TBC1D4: variants seen among roughly 807,000 people sequenced by gnomAD.
The protein encoded by TBC1D4 is TBC1 domain family member 4, also known as TBC (Tre-2, BUB2, CDC16) domain-containing protein.
A neutral mutation model predicts 142.5 loss-of-function variants in TBC1D4; 121 were observed. The observed-to-expected ratio is 0.85, with a 90% CI of 0.73 to 0.99. The LOEUF (loss-of-function observed/expected upper bound fraction) is 0.99. TBC1D4 is among the 50% of genes least tolerant of loss of function. The probability of loss-of-function intolerance (pLI) is 0.00; values close to 1 mark genes in which losing one functional copy is unlikely to be tolerated. For missense variants in TBC1D4, 1,475 were observed against 1,606.6 expected, an observed-to-expected ratio of 0.92 and a Z score of 1.40; for synonymous variants, 630 against 628.2, an observed-to-expected ratio of 1.00 and a Z score of -0.04.
intron 1 of TBC1D4, among the ~76,000 whole-genome samples, chr13:75,379,271 C>T (rs1241067576): frequency 6.6e-6 from 1 of 152,108 alleles, no homozygotes; most frequent in African/African-American, 2.4e-5. Context: ...TGCACACACA[C>T]ACACACACAG....
chr13:75,320,359 T>A (rs1348201433), intron 11 of TBC1D4, among the ~76,000 whole-genome samples: 1 of 152,182 alleles, frequency 6.6e-6, no homozygotes, highest in African/African-American at 2.4e-5. Context: ...CATAAATAAA[T>A]TTTTAAGCAC....
chr13:75,307,069 C>T (rs1461352009), intron 14 of TBC1D4, among the ~76,000 whole-genome samples: 1 of 152,176 alleles, frequency 6.6e-6, no homozygotes. Context: ...CTCCTGAGCT[C>T]CCATCTCAGC....
At chr13:75,434,456 A>G (rs981660938) in intron 1 of TBC1D4, among the ~76,000 whole-genome samples, 1 of 152,166 alleles carries the variant, frequency 6.6e-6, no homozygotes, top group African/African-American at 2.4e-5. Context: ...GAGCTAAATG[A>G]TAAGAACTTA....
At position 75,324,386 on chromosome 13, in the gene TBC1D4, A is replaced by G. The variant is rs1414835467; in HGVS notation, c.2049T>C (p.Val683=). 2 of 1,613,886 alleles carry G rather than the reference A, an allele frequency of 1.2e-6. No homozygotes were observed. Among genetic ancestry groups the G allele is most frequent in the African/African-American group, 2.7e-5 (2 of 74,928 alleles). The change falls in exon 11 of 21, where the codon GTT becomes GTC. Residue 683 remains valine, a synonymous_variant. Transcript: ENST00000377636. ...AATTACTCTCCTTGTACATGCGTCG[A>G]ACTGACGAAAGATTGCTGAGTACAG... The part of the protein sequence containing the change: ...SSEQCSNLSS[V]RRMYKESNSS...
At chr13:75,367,072 G>T in intron 1 of TBC1D4, 1 of 775,504 alleles carries the variant, frequency 1.3e-6, no homozygotes, top group Non-Finnish European at 1.6e-6. Context: ...TCACTATGCA[G>T]CCAATTATAA....
At chr13:75,475,412 G>A (rs1888594585) in intron 1 of TBC1D4, among the ~76,000 whole-genome samples, 1 of 152,356 alleles carries the variant, frequency 6.6e-6, no homozygotes, top group Non-Finnish European at 1.5e-5. Context: ...CTAAAGGAAA[G>A]GGGACTCTGA....
In TBC1D4 at chr13:75,480,746, C is replaced by T. The variant is rs995510691; in HGVS notation, c.498+524G>A. ...CGGAAATTGCCTCCCAGACCGGAGA[C>T]CTGCAGGTGCTGCTGCGAAGATGAC... On this transcript the variant is annotated intron_variant, in intron 1 of 20. Coordinates refer to ENST00000377636, the MANE Select transcript of TBC1D4 (RefSeq NM_014832.5). 2.0e-5 allele frequency among the ~76,000 whole-genome samples: 3 copies of T among 152,354 alleles called. No homozygotes were observed. The South Asian group carries it at 6.2e-4, about 32-fold the overall frequency.
chr13:75,468,342 A>AC, intron 1 of TBC1D4, among the ~76,000 whole-genome samples: 1 of 152,334 alleles, frequency 6.6e-6, no homozygotes, highest in East Asian at 1.9e-4. Context: ...AGATCATGTT[A>AC]CCACTGGGAA....
At chr13:75,332,761 T>C (rs1879859350) in intron 8 of TBC1D4, among the ~76,000 whole-genome samples, 1 of 152,240 alleles carries the variant, frequency 6.6e-6, no homozygotes, top group Admixed American at 6.5e-5. Context: ...GATAAAATAA[T>C]GGCATTCACA....
At position 75,285,365 on chromosome 13, in the gene TBC1D4, C is replaced by T. The variant is rs930724032; in HGVS notation, c.*1427G>A. Reference sequence around the variant, plus strand: ...AAGAAAATTACCCCAGATAATCCATCTGTGAAAATACAAGTACTGCAAAAA... The same window carrying T: ...AAGAAAATTACCCCAGATAATCCATTTGTGAAAATACAAGTACTGCAAAAA... On this transcript the variant is annotated 3_prime_UTR_variant, in exon 21 of 21. Coordinates refer to ENST00000377636, the MANE Select transcript of TBC1D4 (RefSeq NM_014832.5). 7.2e-5 allele frequency: 11 copies of T among 152,312 alleles called. No individual in the cohort carries two copies. The highest frequency in any genetic ancestry group is 2.4e-4 in the African/African-American group (10 of 41,576). 9.4% of individuals were successfully genotyped at this position (152,312 alleles called of 1,614,324 possible).
chr13:75,463,335 T>TA (rs1404494071), intron 1 of TBC1D4, among the ~76,000 whole-genome samples: 1 of 152,100 alleles, frequency 6.6e-6, no homozygotes, highest in Non-Finnish European at 1.5e-5. Context: ...GAGTCATAAT[T>TA]AAAAAAACCT....
chr13:75,335,470 T>C (rs1880117997), intron 8 of TBC1D4, among the ~76,000 whole-genome samples: 1 of 152,226 alleles, frequency 6.6e-6, no homozygotes, highest in African/African-American at 2.4e-5. Context: ...CATTAATTTA[T>C]ACTTTTTTCA....
chr13:75,313,321 T>C (rs945325589), intron 12 of TBC1D4, among the ~76,000 whole-genome samples: 2 of 152,160 alleles, frequency 1.3e-5, no homozygotes, highest in Admixed American at 6.5e-5. Flanking sequence ...AACAGGTCAA[T>C]AAAGACTGTT....
At chr13:75,322,947 G>T (rs73531923) in intron 11 of TBC1D4, among the ~76,000 whole-genome samples, 5,533 of 151,998 alleles carry the variant, frequency 0.036, 346 homozygotes, top group African/African-American at 0.12. Flanking sequence ...ATTCACTGTT[G>T]GAACATGACT....
At chr13:75,393,961 C>A (rs755627518) in intron 1 of TBC1D4, among the ~76,000 whole-genome samples, 1 of 151,252 alleles carries the variant, frequency 6.6e-6, no homozygotes, top group Non-Finnish European at 1.5e-5. Context: ...AAACTAAACT[C>A]TTTCTTGAGT....
At chr13:75,410,278 T>A (rs1416538490) in intron 1 of TBC1D4, among the ~76,000 whole-genome samples, 1 of 152,240 alleles carries the variant, frequency 6.6e-6, no homozygotes, top group Non-Finnish European at 1.5e-5. Context: ...TACCGTCTGC[T>A]ATGGTCTGCC....
At chr13:75,434,946 G>A (rs1308419524) in intron 1 of TBC1D4, among the ~76,000 whole-genome samples, 3 of 150,000 alleles carry the variant, frequency 2.0e-5, no homozygotes, top group Admixed American at 1.3e-4. Context: ...TTAGGCATTC[G>A]AGATTGGCCT....
Position 75,286,715 on chromosome 13 carries a change from T to A in TBC1D4, c.*77A>T. The A allele has an allele frequency of 6.9e-7, 1 of 1,457,024 alleles. No homozygotes were observed. Among genetic ancestry groups the A allele is most frequent in the Non-Finnish European group, 9.5e-7 (1 of 1,057,074 alleles). The allele number at this position is 1,457,024 out of a possible 1,614,324, so 90.3% of individuals were successfully genotyped here. A position where few individuals can be genotyped will look rare whatever the true frequency, so the allele number is the denominator to read the frequency against. On this transcript the variant is annotated 3_prime_UTR_variant, in exon 21 of 21. Coordinates refer to ENST00000377636, the MANE Select transcript of TBC1D4 (RefSeq NM_014832.5). Reference sequence around the variant, plus strand: ...GTTCCATCAGCTTCAGGGTCCAGCCTTGGGCCAGCGACATGCAGGCTCTTC... The same window carrying A: ...GTTCCATCAGCTTCAGGGTCCAGCCATGGGCCAGCGACATGCAGGCTCTTC...
At chr13:75,457,383 T>C (rs1247818797) in intron 1 of TBC1D4, among the ~76,000 whole-genome samples, 3 of 152,094 alleles carry the variant, frequency 2.0e-5, no homozygotes. Flanking sequence ...ATCCCTGACC[T>C]CTCCACTCAT....
Sources: gnomAD v4.1 joint callset for allele counts (sites outside exome capture counted in the v4.1 genomes callset) on GRCh38, gnomAD v4.1.1 for gene constraint, MANE v1.5 for transcripts, NCBI Gene and HGNC (gene_info 2026-07-23, HGNC 2026-07-21) for gene names.